The following SORBS3 variants were observed in gnomAD, a reference collection of about 807,000 sequenced individuals.
The protein encoded by SORBS3 is vinexin.
Under a neutral mutation model 98.0 loss-of-function variants are expected in SORBS3, and 69 were observed. That is an observed-to-expected ratio of 0.70 (90% CI 0.58 to 0.86). The LOEUF is 0.86. Among genes scored for constraint, SORBS3 ranks in the 40% least tolerant of loss-of-function variants. The pLI is 0.00. For missense variants in SORBS3, 954 were observed against 908.5 expected, an observed-to-expected ratio of 1.05 and a Z score of -0.64; for synonymous variants, 394 against 355.4, an observed-to-expected ratio of 1.11 and a Z score of -1.22.
intron 7 of SORBS3, among the ~76,000 whole-genome samples, chr8:22,563,440 A>T (rs1450576809): frequency 2.4e-5 from 2 of 82,332 alleles, no homozygotes; most frequent in Non-Finnish European, 6.5e-5. Context: ...TCATGGAACT[A>T]GGCCCAGGGA....
chr8:22,559,764 GAA>G (rs1415928165), intron 5 of SORBS3, among the ~76,000 whole-genome samples: 1 of 151,912 alleles, frequency 6.6e-6, no homozygotes, highest in African/African-American at 2.4e-5. Flanking sequence ...CCCTCTGAGT[GAA>G]GAGGTTGAGT....
intron 3 of SORBS3, among the ~76,000 whole-genome samples, chr8:22,555,907 C>G (rs190091477): frequency 1.3e-5 from 2 of 152,258 alleles, no homozygotes; most frequent in African/African-American, 4.8e-5. Flanking sequence ...TTATGGAACA[C>G]CCAGAGCGTG....
intron 1 of SORBS3, 85 bp downstream of exon 1, chr8:22,552,107 C>G (rs1247267498): frequency 1.0e-6 from 1 of 973,388 alleles, no homozygotes; most frequent in Non-Finnish European, 1.2e-6. Flanking sequence ...CACCTAGCCC[C>G]TCCCCGGGGT....
Position 22,565,362 on chromosome 8 carries a change from C to T in SORBS3, c.903+8C>T. 6.5e-7 allele frequency: 1 copy of T among 1,540,380 alleles called. No homozygotes were observed. The highest frequency in any genetic ancestry group is 8.8e-7 in the Non-Finnish European group (1 of 1,141,506). Reference sequence around the variant, plus strand: ...CGACTGCCGTCCCCCAAGGTACCAGCCCCCAGGGTTCACCCGCGGGGCACG... The same window carrying T: ...CGACTGCCGTCCCCCAAGGTACCAGTCCCCAGGGTTCACCCGCGGGGCACG... On this transcript the variant is annotated splice_region_variant and intron_variant, in intron 11 of 20. Coordinates refer to ENST00000240123, the MANE Select transcript of SORBS3 (RefSeq NM_005775.5).
chr8:22,563,193 A>G (rs2117251273), intron 7 of SORBS3, among the ~76,000 whole-genome samples: 1 of 152,320 alleles, frequency 6.6e-6, no homozygotes, highest in South Asian at 2.1e-4. Context: ...TATTATTACC[A>G]AAATCAGAAT....
chr8:22,564,760 G>A, intron 10 of SORBS3: 2 of 1,406,512 alleles, frequency 1.4e-6, no homozygotes, highest in Non-Finnish European at 1.8e-6. Context: ...AGTGGTCAGT[G>A]CGCACTGGGA....
At position 22,567,058 on chromosome 8, in the gene SORBS3, C is replaced by CA. The variant is rs1257706068; in HGVS notation, c.1191-2dup. On this transcript the variant is annotated splice_polypyrimidine_tract_variant and splice_region_variant and intron_variant, in intron 15 of 20. Transcript: ENST00000240123. The stretch of plus-strand genomic sequence containing the variant: ...ACCCTGCGGTCCTCGTCCCCACCTG[C>CA]AGGGAGCTGACTCTGCAGAAGGGTG... The CA allele has an allele frequency of 6.2e-7, 1 of 1,611,158 alleles. No homozygotes were observed. The highest frequency in any genetic ancestry group is 1.7e-5 in the Admixed American group (1 of 59,990).
intron 5 of SORBS3, 124 bp from the exon 6 acceptor site, chr8:22,561,211 A>T: frequency 1.1e-6 from 1 of 871,322 alleles, no homozygotes; most frequent in Non-Finnish European, 1.8e-6. Flanking sequence ...GACATTCTTC[A>T]GGCCCTGACT....
Position 22,554,542 on chromosome 8 carries a change from C to G in SORBS3, c.36C>G (p.Leu12=). ...QGPPRSLRAG[L]SLDDFIPGHL... is the part of the protein sequence containing the mutation. ...CACCCCGCAGCCTCCGCGCTGGGCT[C>G]AGCCTGGACGACTTCATCCCTGGCC... Residue 12 remains leucine (L), a synonymous_variant, in exon 2 of 21, where the codon CTC becomes CTG. Transcript: ENST00000240123. This position sits in a 1 kb window ranked among gnomAD's most constrained non-coding sequence, Gnocchi z 6.5. 2 of 1,612,882 alleles carry G rather than the reference C, an allele frequency of 1.2e-6. No individual in the cohort carries two copies. Among genetic ancestry groups the G allele is most frequent in the Non-Finnish European group, 1.7e-6 (2 of 1,179,964 alleles).
At chr8:22,564,591 T>G (rs2117257976) in intron 10 of SORBS3, 70 bp downstream of exon 10, 1 of 1,584,886 alleles carries the variant, frequency 6.3e-7, no homozygotes, top group Non-Finnish European at 8.7e-7. Context: ...GTGGCCCCAG[T>G]AACCATGGGC....
chr8:22,572,483 C>G (rs1445667002), intron 20 of SORBS3, 37 bp downstream of exon 20: 1 of 1,510,398 alleles, frequency 6.6e-7, no homozygotes, highest in Non-Finnish European at 9.2e-7. Context: ...TCTCAGGGCC[C>G]CAGGGGATGT....
chr8:22,573,782 G>A (rs1840652338), intron 20 of SORBS3, among the ~76,000 whole-genome samples: 1 of 152,218 alleles, frequency 6.6e-6, no homozygotes, highest in South Asian at 2.1e-4. Context: ...GTTCATTTCA[G>A]TTTATATTCC....
In SORBS3 at chr8:22,554,858, C is replaced by T. The variant is rs768055369; in HGVS notation, c.103-5C>T. ...TGAGCTGCCGCTCCTGGCCCCTCCCCGCAGGTGCCCGTGATCCGGAATGGT... is the reference window on the plus strand; with the variant it reads ...TGAGCTGCCGCTCCTGGCCCCTCCCTGCAGGTGCCCGTGATCCGGAATGGT... On this transcript the variant is annotated splice_polypyrimidine_tract_variant and splice_region_variant and intron_variant, in intron 2 of 20. Coordinates refer to ENST00000240123, the MANE Select transcript of SORBS3 (RefSeq NM_005775.5). This position sits in a 1 kb window ranked among gnomAD's most constrained non-coding sequence, Gnocchi z 6.5. 1.7e-5 allele frequency: 27 copies of T among 1,611,678 alleles called. No individual in the cohort carries two copies. Among genetic ancestry groups the T allele is most frequent in the South Asian group, 3.3e-5 (3 of 91,030 alleles).
chr8:22,556,567 G>C (rs749110110), intron 3 of SORBS3, 148 bp from the exon 4 acceptor site: 122 of 672,176 alleles, frequency 1.8e-4, no homozygotes, highest in Non-Finnish European at 3.1e-4. Context: ...ACAGAGGCCC[G>C]TGGTGCTCTG....
chr8:22,566,905 C>A, intron 15 of SORBS3, 37 bp downstream of exon 15: 1 of 1,595,612 alleles, frequency 6.3e-7, no homozygotes, highest in Non-Finnish European at 8.5e-7. Flanking sequence ...CCACCCAAGG[C>A]AATCTCTGCC....
Position 22,561,387 on chromosome 8 carries a change from G to A in SORBS3, c.517+14G>A, listed in dbSNP as rs1840291296. The A allele has an allele frequency of 1.2e-6, 2 of 1,612,620 alleles. No homozygotes were observed. The highest frequency in any genetic ancestry group is 1.7e-6 in the Non-Finnish European group (2 of 1,179,428). On this transcript the variant is annotated intron_variant, in intron 6 of 20. Transcript: ENST00000240123. ...AGCCACCCAGAGGTGAGGGGATGCG[G>A]GCCCACCTGCCTGCCATAGCCCTGC... is the stretch of plus-strand genomic sequence containing the variant.
intron 19 of SORBS3, 32 bp downstream of exon 19, chr8:22,571,853 G>GT (rs1563841586): frequency 1.4e-6 from 2 of 1,470,902 alleles, no homozygotes; most frequent in Middle Eastern, 1.7e-4. Flanking sequence ...TTGATCAGAC[G>GT]TGGGGGGGGT....
chr8:22,573,715 G>A (rs1840650017), intron 20 of SORBS3, among the ~76,000 whole-genome samples: 1 of 152,224 alleles, frequency 6.6e-6, no homozygotes, highest in Non-Finnish European at 1.5e-5. Flanking sequence ...GGAAGTCAGG[G>A]TGCCAGCCTG....
At chr8:22,569,426 G>A (rs1040194125) in intron 17 of SORBS3, among the ~76,000 whole-genome samples, 153 bp downstream of exon 17, 14 of 151,836 alleles carry the variant, frequency 9.2e-5, no homozygotes, top group East Asian at 1.9e-4. Context: ...TGCAACCTCC[G>A]CCTCCCGGGT....
Sources: allele counts gnomAD v4.1 joint callset (sites outside exome capture counted in the v4.1 genomes callset), GRCh38; gene constraint gnomAD v4.1.1; non-coding constraint Gnocchi (gnomAD v3.1); transcripts MANE v1.5; gene names NCBI Gene and HGNC (gene_info 2026-07-23, HGNC 2026-07-21).